Variants in WDPCP observed in about 807,000 individuals in gnomAD.
The protein encoded by WDPCP is WD repeat containing planar cell polarity effector, also known as WD repeat-containing and planar cell polarity effector protein fritz homolog.
Under a neutral mutation model 93.1 loss-of-function variants are expected in WDPCP, and 71 were observed. That is an observed-to-expected ratio of 0.76 (90% CI 0.63 to 0.93). The LOEUF (loss-of-function observed/expected upper bound fraction) is 0.93. WDPCP is among the 40% of genes least tolerant of loss of function. WDPCP has a pLI of 0.00. For synonymous variants in WDPCP, 315 were observed against 315.0 expected, an observed-to-expected ratio of 1.00 and a Z score of 0.00; for missense variants, 844 against 887.4, an observed-to-expected ratio of 0.95 and a Z score of 0.62.
chr2:63,214,532 A>C (rs900431771), intron 14 of WDPCP, among the ~76,000 whole-genome samples: 2 of 152,164 alleles, frequency 1.3e-5, no homozygotes, highest in African/African-American at 2.4e-5. Context: ...AATGGGCAAA[A>C]ACTGGAAGCA....
Position 63,382,059 on chromosome 2 carries a change from T to A in WDPCP, c.1471A>T (p.Ile491Phe). 1 of 1,613,324 alleles carries A rather than the reference T, an allele frequency of 6.2e-7. No homozygotes were observed. Among genetic ancestry groups the A allele is most frequent in the East Asian group, 2.2e-5 (1 of 44,754 alleles). Reference protein sequence around the residue: ...FTRGQLGLIDIIFQYIHCDEI... With the variant: ...FTRGQLGLIDFIFQYIHCDEI... ...TCACAGTGAATGTACTGGAAGATGATGTCTATCAGGCCCAGCTGTCCTCGA... is the reference window on the plus strand; with the variant it reads ...TCACAGTGAATGTACTGGAAGATGAAGTCTATCAGGCCCAGCTGTCCTCGA... The change falls in exon 11 of 18, where the codon ATC (isoleucine) becomes TTC (phenylalanine). Residue 491 changes from isoleucine (I) to phenylalanine (F), a missense_variant. Physicochemically the swap from Ile to Phe is conservative, Grantham distance 21 (BLOSUM62 0). Transcript: ENST00000272321.
chr2:63,385,375 T>C (rs2104943185), intron 10 of WDPCP, among the ~76,000 whole-genome samples: 1 of 152,224 alleles, frequency 6.6e-6, no homozygotes, highest in African/African-American at 2.4e-5. Flanking sequence ...TGGTCATCTA[T>C]GTAGAAAATC....
intron 15 of WDPCP, 98 bp downstream of exon 15, chr2:63,174,572 T>C: frequency 2.6e-6 from 4 of 1,542,206 alleles, no homozygotes; most frequent in Non-Finnish European, 3.6e-6. Flanking sequence ...TTTTTCTCCT[T>C]GACATTTTGA....
intron 2 of WDPCP, among the ~76,000 whole-genome samples, chr2:63,794,249 CT>C: frequency 6.6e-6 from 1 of 152,270 alleles, no homozygotes; most frequent in African/African-American, 2.4e-5. Flanking sequence ...TATTCCACCC[CT>C]CCCACAATGT....
At chr2:63,671,359 A>G (rs991185209) in intron 2 of WDPCP, among the ~76,000 whole-genome samples, 2 of 152,108 alleles carry the variant, frequency 1.3e-5, no homozygotes, top group African/African-American at 4.8e-5. Context: ...TCTGACGGCT[A>G]CTTTGGCTTA....
At chr2:63,289,450 T>C (rs1051257706) in intron 13 of WDPCP, among the ~76,000 whole-genome samples, 7 of 152,104 alleles carry the variant, frequency 4.6e-5, no homozygotes, top group African/African-American at 1.7e-4. Flanking sequence ...TAATCCGTGA[T>C]CTTTTTAGAG....
intron 3 of WDPCP, among the ~76,000 whole-genome samples, chr2:63,608,075 G>A (rs1333300188): frequency 6.6e-6 from 1 of 151,916 alleles, no homozygotes; most frequent in African/African-American, 2.4e-5. Context: ...AAATCTTAAA[G>A]GTTTACGCTT....
chr2:63,758,740 C>G (rs1245833089), intron 2 of WDPCP, among the ~76,000 whole-genome samples: 1 of 151,588 alleles, frequency 6.6e-6, no homozygotes, highest in East Asian at 2.0e-4. Context: ...GCGTACAGCC[C>G]AGTTCTGGAG....
At chr2:63,244,897 T>G (rs1460188371) in intron 14 of WDPCP, among the ~76,000 whole-genome samples, 1 of 152,102 alleles carries the variant, frequency 6.6e-6, no homozygotes, top group Non-Finnish European at 1.5e-5. Context: ...CTTCTATCAG[T>G]GTGAAGTTGA....
chr2:63,254,328 C>A (rs759703279), intron 14 of WDPCP, among the ~76,000 whole-genome samples: 4 of 152,014 alleles, frequency 2.6e-5, no homozygotes, highest in African/African-American at 4.8e-5. Flanking sequence ...TAGCATCATG[C>A]AATATACCCA....
intron 17 of WDPCP, among the ~76,000 whole-genome samples, chr2:63,132,587 T>C (rs905616008): frequency 1.3e-5 from 2 of 150,958 alleles, no homozygotes; most frequent in African/African-American, 4.9e-5. Context: ...AGCTTGTTTA[T>C]TCTTTCTTCT....
At chr2:63,757,280 G>T (rs1440686538) in intron 2 of WDPCP, among the ~76,000 whole-genome samples, 1 of 152,206 alleles carries the variant, frequency 6.6e-6, no homozygotes, top group Non-Finnish European at 1.5e-5. Flanking sequence ...GCCCTCAAAA[G>T]TTGTTCCCAA....
chr2:63,511,908 T>A (rs1702261641), intron 1 of WDPCP, among the ~76,000 whole-genome samples: 1 of 152,180 alleles, frequency 6.6e-6, no homozygotes, highest in African/African-American at 2.4e-5. Flanking sequence ...GGGATCTAAT[T>A]AAACTAAAGA....
intron 3 of WDPCP, chr2:63,600,023 C>G (rs766383522): frequency 6.6e-6 from 1 of 152,238 alleles, no homozygotes; most frequent in South Asian, 2.1e-4. Context: ...GCTTTTCTGG[C>G]CATCCCTTCT....
intron 1 of WDPCP, among the ~76,000 whole-genome samples, chr2:63,572,019 G>A (rs1427048902): frequency 6.6e-6 from 1 of 152,090 alleles, no homozygotes; most frequent in East Asian, 1.9e-4. Flanking sequence ...TAACAGAAAG[G>A]AAAATTACTG....
At chr2:63,141,445 T>A (rs1671056681) in intron 17 of WDPCP, among the ~76,000 whole-genome samples, 1 of 152,242 alleles carries the variant, frequency 6.6e-6, no homozygotes, top group South Asian at 2.1e-4. Context: ...AAACCATCCC[T>A]ACATCCCTGG....
chr2:63,239,852 G>A (rs1679724054), intron 14 of WDPCP, among the ~76,000 whole-genome samples: 2 of 151,946 alleles, frequency 1.3e-5, no homozygotes, highest in South Asian at 4.2e-4. Flanking sequence ...TTTGAATAAA[G>A]CAATTTCCCC....
chr2:63,794,938 G>A (rs1391498878), intron 2 of WDPCP, among the ~76,000 whole-genome samples: 2 of 152,234 alleles, frequency 1.3e-5, no homozygotes, highest in African/African-American at 2.4e-5. Context: ...TTATCATGTA[G>A]GACAGGTTAT....
intron 12 of WDPCP, among the ~76,000 whole-genome samples, chr2:63,327,007 TC>T (rs1180057361): frequency 6.6e-6 from 1 of 151,882 alleles, no homozygotes; most frequent in East Asian, 1.9e-4. Flanking sequence ...AGCCTTCCTA[TC>T]AAAAATCCTT....
Sources: gnomAD v4.1 joint callset for allele counts (sites outside exome capture counted in the v4.1 genomes callset) on GRCh38, gnomAD v4.1.1 for gene constraint, MANE v1.5 for transcripts, NCBI Gene and HGNC (gene_info 2026-07-23, HGNC 2026-07-21) for gene names.